Variants in DMD observed in about 807,000 individuals in gnomAD.
DMD encodes mutant dystrophin.
A neutral mutation model predicts 330.1 loss-of-function variants in DMD; 63 were observed. The ratio of observed to expected loss-of-function variants is 0.19; its 90% CI spans 0.16 to 0.24. The LOEUF is 0.24. DMD is among the 10% of genes least tolerant of loss of function. The pLI is 1.00. For missense variants in DMD, 3,344 were observed against 2,684.1 expected (o/e 1.25, Z -5.43); for synonymous variants, 1,223 against 959.8 (o/e 1.27, Z -5.07).
At chrX:32,734,325 G>T (rs199666430) in intron 7 of DMD, among the ~76,000 whole-genome samples, 27,206 of 77,505 alleles carry the variant, frequency 0.35, 6,791 homozygotes, top group African/African-American at 0.78. Flanking sequence ...AGCCGAATTC[G>T]ACCAGAGGTA....
At chrX:32,966,180 T>C (rs1369047519) in intron 2 of DMD, among the ~76,000 whole-genome samples, 3 of 111,925 alleles carry the variant, frequency 2.7e-5, no homozygotes, top group Non-Finnish European at 5.6e-5. Context: ...GTTAAGGATC[T>C]CCTGATAAAA....
intron 44 of DMD, among the ~76,000 whole-genome samples, chrX:32,119,670 C>T (rs1317346528): frequency 2.7e-5 from 3 of 111,713 alleles, no homozygotes; most frequent in Non-Finnish European, 3.8e-5. Context: ...TGATGTGGCC[C>T]TTTCTGTCTT....
intron 45 of DMD, among the ~76,000 whole-genome samples, chrX:31,949,358 G>T (rs1478437269): frequency 9.0e-6 from 1 of 111,007 alleles, no homozygotes; most frequent in African/African-American, 3.3e-5. Context: ...CAGAGTACAG[G>T]TTTAGTACTT....
chrX:31,311,545 C>T (rs1271168973), intron 62 of DMD, among the ~76,000 whole-genome samples: 1 of 111,763 alleles, frequency 8.9e-6, no homozygotes, highest in Admixed American at 9.5e-5. Context: ...GTTTTGGTTA[C>T]TGTAGCCTTG....
intron 7 of DMD, among the ~76,000 whole-genome samples, chrX:32,808,129 G>T (rs1341974722): frequency 1.8e-5 from 2 of 111,491 alleles, no homozygotes; most frequent in Admixed American, 1.9e-4. Flanking sequence ...TGCAAACTAA[G>T]GACGTAGGAT....
chrX:32,371,098 A>T (rs1372414796), intron 34 of DMD, among the ~76,000 whole-genome samples: 1 of 111,479 alleles, frequency 9.0e-6, no homozygotes, highest in Non-Finnish European at 1.9e-5. Flanking sequence ...ACAGGCAAAC[A>T]GAAAGATGCA....
intron 44 of DMD, among the ~76,000 whole-genome samples, chrX:32,212,831 T>C (rs957344951): frequency 1.8e-5 from 2 of 111,770 alleles, no homozygotes; most frequent in Non-Finnish European, 1.9e-5. Context: ...TGGCATGGTA[T>C]ATTGCTCTGG....
intron 2 of DMD, among the ~76,000 whole-genome samples, chrX:32,904,854 GC>G (rs1417021609): frequency 1.5e-4 from 17 of 112,377 alleles, no homozygotes; most frequent in Admixed American, 5.6e-4. Context: ...GGGATTACAG[GC>G]ATGAGCCACT....
At chrX:32,870,965 A>G (rs1443444852) in intron 2 of DMD, among the ~76,000 whole-genome samples, 1 of 57,255 alleles carries the variant, frequency 1.7e-5, no homozygotes, top group East Asian at 4.2e-4. Flanking sequence ...CAGCAAAAAA[A>G]AAAAAAAAAA....
Position 32,468,683 on chromosome X carries a change from G to C in DMD, c.2977C>G (p.Gln993Glu), listed in dbSNP as rs398123917. Reference protein sequence around the residue: ...QALQSSLQEQQSGLYYLSTTV... With the variant: ...QALQSSLQEQESGLYYLSTTV... ...GTGCTGAGATAGTATAGGCCACTTT[G>C]TTGCTCTTGCAGAGAACTTTGTAAA... is the stretch of plus-strand genomic sequence containing the variant. Residue 993 changes from glutamine (Q) to glutamate (E), a missense_variant, in exon 23 of 79, where the codon CAA becomes GAA. By Grantham distance (29) the Gln-to-Glu change is conservative (BLOSUM62 2). Coordinates refer to ENST00000357033, the MANE Select transcript of DMD (RefSeq NM_004006.3). 1 of 1,208,909 alleles carries C rather than the reference G, an allele frequency of 8.3e-7. No homozygotes were observed. The highest frequency in any genetic ancestry group is 3.0e-5 in the East Asian group (1 of 33,722).
At chrX:33,005,963 A>G (rs1204137807) in intron 2 of DMD, among the ~76,000 whole-genome samples, 2 of 111,563 alleles carry the variant, frequency 1.8e-5, no homozygotes, top group African/African-American at 6.5e-5. Context: ...AGCAGTGAAC[A>G]AGTGGAATTT....
intron 31 of DMD, 89 bp downstream of exon 31, chrX:32,389,982 C>T (rs1293770672): frequency 2.7e-6 from 2 of 741,548 alleles, no homozygotes; most frequent in Admixed American, 2.3e-5. Context: ...TCCTCAAATC[C>T]AATCTTGCCA....
intron 74 of DMD, among the ~76,000 whole-genome samples, chrX:31,156,970 C>T (rs1602230846): frequency 8.9e-6 from 1 of 111,838 alleles, no homozygotes; most frequent in Non-Finnish European, 1.9e-5. Context: ...ATCATCTGTG[C>T]CTTAGTAAAG....
At chrX:31,554,136 AC>A (rs989497308) in intron 55 of DMD, among the ~76,000 whole-genome samples, 2 of 112,454 alleles carry the variant, frequency 1.8e-5, no homozygotes, top group Non-Finnish European at 3.8e-5. Flanking sequence ...TACCACTGAA[AC>A]AATATATGTG....
intron 75 of DMD, among the ~76,000 whole-genome samples, chrX:31,147,053 G>T (rs1308603168): frequency 9.0e-6 from 1 of 111,466 alleles, no homozygotes; most frequent in Non-Finnish European, 1.9e-5. Context: ...AATTGGTCAA[G>T]AAAAAACCAT....
intron 1 of DMD, among the ~76,000 whole-genome samples, chrX:33,074,338 C>A (rs1171662196): frequency 9.0e-6 from 1 of 111,645 alleles, no homozygotes; most frequent in African/African-American, 3.3e-5. Context: ...CTGAGGGCTG[C>A]CTGATTCGCA....
intron 2 of DMD, among the ~76,000 whole-genome samples, chrX:32,938,717 A>G (rs916135557): frequency 2.7e-5 from 3 of 111,615 alleles, no homozygotes; most frequent in Non-Finnish European, 3.8e-5. Flanking sequence ...TTATTTGCCA[A>G]ACGACTGTAT....
At chrX:33,212,472 A>AT (rs2148866242), upstream of DMD, among the ~76,000 whole-genome samples, 2 of 112,036 alleles carry the variant, frequency 1.8e-5, no homozygotes, top group South Asian at 3.7e-4. Context: ...CATTGGAAAC[A>AT]TTTTTTAAAG....
At chrX:31,740,577 C>G (rs2087250740) in intron 51 of DMD, among the ~76,000 whole-genome samples, 1 of 112,280 alleles carries the variant, frequency 8.9e-6, no homozygotes, top group Non-Finnish European at 1.9e-5. Context: ...TGTTTACACT[C>G]TACTATCATC....
Sources: gnomAD v4.1 joint callset for allele counts (sites outside exome capture counted in the v4.1 genomes callset) on GRCh38, gnomAD v4.1.1 for gene constraint, MANE v1.5 for transcripts, NCBI Gene and HGNC (gene_info 2026-07-23, HGNC 2026-07-21) for gene names.